EVL: variants seen among roughly 807,000 people sequenced by gnomAD.
The protein encoded by EVL is Enah/Vasp-like, also known as ena/VASP-like protein.
A neutral mutation model predicts 59.6 loss-of-function variants in EVL; 21 were observed. The ratio of observed to expected loss-of-function variants is 0.35; its 90% CI spans 0.25 to 0.51. The LOEUF (loss-of-function observed/expected upper bound fraction) is 0.51. Among genes scored for constraint, EVL ranks in the 20% least tolerant of loss-of-function variants. The probability of loss-of-function intolerance (pLI) is 0.97; values close to 1 mark genes in which losing one functional copy is unlikely to be tolerated. For synonymous variants in EVL, 198 were observed against 203.5 expected (o/e 0.97, Z 0.23); for missense variants, 462 against 546.6 (o/e 0.85, Z 1.54).
rs1887179035 is a variant in EVL at position 100,114,170 on chromosome 14, C to CA, written c.359-9369_359-9368insA. Among the ~76,000 whole-genome samples, 2 of 151,132 alleles carry CA rather than the reference C, an allele frequency of 1.3e-5. No homozygotes were observed. Among genetic ancestry groups the CA allele is most frequent in the Non-Finnish European group, 1.5e-5 (1 of 67,870 alleles). On this transcript the variant is annotated intron_variant, in intron 3 of 13. Transcript: ENST00000392920. This position sits in a 1 kb window ranked among gnomAD's most constrained non-coding sequence, Gnocchi z 5.0. ...AGCAAGGAGCGAAGCGAAGGAGGGC[C>CA]GGGGGGGAATCAAATGAGCCTTACT... is the stretch of plus-strand genomic sequence containing the variant.
At chr14:100,110,060 T>G (rs1886861454) in intron 3 of EVL, among the ~76,000 whole-genome samples, 1 of 152,212 alleles carries the variant, frequency 6.6e-6, no homozygotes, top group South Asian at 2.1e-4. Flanking sequence ...AGTTACTCTT[T>G]TTAAAAAAAT....
chr14:100,090,926 G>C (rs1387081319), intron 2 of EVL, among the ~76,000 whole-genome samples: 2 of 152,064 alleles, frequency 1.3e-5, no homozygotes, highest in South Asian at 4.1e-4. Flanking sequence ...AAACCATCTC[G>C]CATTGCAGAT....
chr14:99,982,407 A>G (rs1362914989), intron 1 of EVL, among the ~76,000 whole-genome samples: 1 of 152,220 alleles, frequency 6.6e-6, no homozygotes, highest in Non-Finnish European at 1.5e-5. Context: ...TAAACATTTT[A>G]AAGGCTATCA....
intron 3 of EVL, among the ~76,000 whole-genome samples, chr14:100,120,300 C>T (rs1470109952): frequency 6.6e-6 from 1 of 152,216 alleles, no homozygotes; most frequent in Non-Finnish European, 1.5e-5. Context: ...CCCCCTCTCC[C>T]CTTCCTGACT....
At chr14:100,076,339 C>T (rs1444177050) in intron 1 of EVL, among the ~76,000 whole-genome samples, 1 of 151,066 alleles carries the variant, frequency 6.6e-6, no homozygotes, top group Non-Finnish European at 1.5e-5. Flanking sequence ...CCAGCAGAGT[C>T]ATCTACACTG....
chr14:100,051,410 C>G (rs1344947269), intron 1 of EVL, among the ~76,000 whole-genome samples: 1 of 152,206 alleles, frequency 6.6e-6, no homozygotes, highest in Non-Finnish European at 1.5e-5. Flanking sequence ...AACATATCCC[C>G]CCATGGATGA....
At chr14:100,028,137 T>TGTTTGTTTG (rs1555413983) in intron 1 of EVL, among the ~76,000 whole-genome samples, 1 of 130,956 alleles carries the variant, frequency 7.6e-6, no homozygotes, top group African/African-American at 3.0e-5. Flanking sequence ...TTTGTTTGTT[T>TGTTTGTTTG]TTTTTTTTTT....
At chr14:100,129,782 C>T in intron 7 of EVL, 98 bp downstream of exon 7, 1 of 1,416,378 alleles carries the variant, frequency 7.1e-7, no homozygotes, top group Non-Finnish European at 9.3e-7. Flanking sequence ...ACCCCAGAAT[C>T]TTTGTTCCCT....
At chr14:100,000,210 A>G (rs915648324) in intron 1 of EVL, among the ~76,000 whole-genome samples, 1 of 152,178 alleles carries the variant, frequency 6.6e-6, no homozygotes, top group Non-Finnish European at 1.5e-5. Flanking sequence ...GGTTTTATAC[A>G]TTTTAGGGAG....
intron 1 of EVL, among the ~76,000 whole-genome samples, chr14:99,999,029 ATAATTTATAAATTATAG>A (rs143027960): frequency 0.097 from 14,630 of 151,584 alleles, 1,009 homozygotes; most frequent in East Asian, 0.28. Context: ...ATTATACTTT[ATAATTTATAAATTATAG>A]TAATTTATAA....
chr14:100,016,731 G>C (rs964898574), intron 1 of EVL, among the ~76,000 whole-genome samples: 3 of 152,196 alleles, frequency 2.0e-5, no homozygotes, highest in African/African-American at 7.2e-5. Flanking sequence ...GGTGTTATCA[G>C]TAATCAAGTG....
intron 3 of EVL, among the ~76,000 whole-genome samples, chr14:100,121,331 C>T (rs1267808048): frequency 6.6e-6 from 1 of 152,138 alleles, no homozygotes; most frequent in East Asian, 1.9e-4. Context: ...CGGAGGAGGC[C>T]AGGAGTAAGG....
At position 100,130,894 on chromosome 14, in the gene EVL, T is replaced by C. The variant is rs943404569; in HGVS notation, c.839+1210T>C. ...AGACAGGAGGCAGGCTTCTGAGCAG[T>C]TTCCTGTGAGAGTAAGTCCAGGTGT... On this transcript the variant is annotated intron_variant, in intron 7 of 13. Transcript: ENST00000392920. This position sits in a 1 kb window ranked among gnomAD's most constrained non-coding sequence, Gnocchi z 4.8. Among the ~76,000 whole-genome samples the C allele has an allele frequency of 1.3e-5, 2 of 152,216 alleles. No homozygotes were observed. Among genetic ancestry groups the C allele is most frequent in the African/African-American group, 4.8e-5 (2 of 41,454 alleles).
At chr14:99,978,680 T>C (rs1202657470) in intron 1 of EVL, among the ~76,000 whole-genome samples, 3 of 152,238 alleles carry the variant, frequency 2.0e-5, no homozygotes, top group Non-Finnish European at 4.4e-5. Context: ...TTGATTTGAT[T>C]ATTTATAAGC....
rs527761062 is a variant in EVL, at chr14:100,086,487, C to T, written c.180+1632C>T. Among the ~76,000 whole-genome samples the T allele has an allele frequency of 5.9e-5, 9 of 152,328 alleles. 1 individual carries two copies. In the South Asian group the frequency reaches 1.2e-3, roughly 21 times the overall value. ...CCATAAGTGATTGCTTTTATTATGACAAGTTTCCCATTCCCTTCCTGCCTC... is the reference window on the plus strand; with the variant it reads ...CCATAAGTGATTGCTTTTATTATGATAAGTTTCCCATTCCCTTCCTGCCTC... On this transcript the variant is annotated intron_variant, in intron 2 of 13. Transcript: ENST00000392920.
intron 1 of EVL, among the ~76,000 whole-genome samples, chr14:100,034,592 C>T (rs2140223262): frequency 6.6e-6 from 1 of 151,964 alleles, no homozygotes; most frequent in Non-Finnish European, 1.5e-5. Context: ...AAAAAATTAA[C>T]CGGGCATGGT....
chr14:100,026,778 C>T (rs923033991), intron 1 of EVL, among the ~76,000 whole-genome samples: 1 of 152,312 alleles, frequency 6.6e-6, no homozygotes, highest in African/African-American at 2.4e-5. Context: ...ACAGCATACT[C>T]TCAGCTCTGG....
At chr14:100,076,450 C>T (rs2062163066) in intron 1 of EVL, among the ~76,000 whole-genome samples, 1 of 152,168 alleles carries the variant, frequency 6.6e-6, no homozygotes, top group South Asian at 2.1e-4. Context: ...GGCCCCTGCC[C>T]TGGAGGCGTT....
At chr14:100,082,954 A>T (rs1595149190) in intron 1 of EVL, among the ~76,000 whole-genome samples, 1 of 152,182 alleles carries the variant, frequency 6.6e-6, no homozygotes, top group African/African-American at 2.4e-5. Flanking sequence ...CTCTGCTCCC[A>T]TAGCAGGTTC....
Sources: gnomAD v4.1 joint callset for allele counts (sites outside exome capture counted in the v4.1 genomes callset) on GRCh38, gnomAD v4.1.1 for gene constraint, Gnocchi (gnomAD v3.1) non-coding constraint, MANE v1.5 for transcripts, NCBI Gene and HGNC (gene_info 2026-07-23, HGNC 2026-07-21) for gene names.